Variants in FGF14 observed in about 807,000 individuals in gnomAD.
FGF14 encodes the protein fibroblast growth factor 14, also known as fibroblast growth factor homologous factor 4.
In FGF14, 5 loss-of-function variants were observed where a neutral mutation model predicts 25.5. The observed-to-expected ratio is 0.20, with a 90% confidence interval of 0.10 to 0.41. The LOEUF (loss-of-function observed/expected upper bound fraction) is 0.41. Ranked by LOEUF, FGF14 falls within the 10% of genes least tolerant of loss-of-function variation. The pLI, the probability that FGF14 is intolerant of heterozygous loss-of-function variation, is 1.00. For synonymous variants in FGF14, 138 were observed against 118.3 expected (o/e 1.17, Z -1.08); for missense variants, 222 against 320.1 (o/e 0.69, Z 2.34).
intron 3 of FGF14, among the ~76,000 whole-genome samples, chr13:101,757,302 T>C (rs2037728700): frequency 6.6e-6 from 1 of 152,212 alleles, no homozygotes; most frequent in Non-Finnish European, 1.5e-5. Context: ...TTTGGGGTTC[T>C]ATTTTCTCAT....
At chr13:102,342,528 C>T (rs2056983138) in intron 1 of FGF14, among the ~76,000 whole-genome samples, 1 of 152,072 alleles carries the variant, frequency 6.6e-6, no homozygotes, top group African/African-American at 2.4e-5. Flanking sequence ...TACTTTTAAG[C>T]CTGCAGCAAT....
chr13:102,212,859 G>A (rs147290973), intron 1 of FGF14, among the ~76,000 whole-genome samples: 23 of 152,138 alleles, frequency 1.5e-4, no homozygotes, highest in Non-Finnish European at 2.8e-4. Flanking sequence ...TGCTCCGTAG[G>A]AGTCTATTGT....
At chr13:101,951,462 T>C (rs1033672900) in intron 1 of FGF14, among the ~76,000 whole-genome samples, 1 of 152,136 alleles carries the variant, frequency 6.6e-6, no homozygotes, top group African/African-American at 2.4e-5. Context: ...AGGAATTTTA[T>C]TAAGAAGCAA....
intron 1 of FGF14, among the ~76,000 whole-genome samples, chr13:102,060,651 A>T (rs1315691128): frequency 1.3e-5 from 2 of 152,208 alleles, no homozygotes; most frequent in African/African-American, 4.8e-5. Flanking sequence ...TACATAAATA[A>T]AAAAGGAGAA....
intron 1 of FGF14, among the ~76,000 whole-genome samples, chr13:102,267,472 C>T (rs1022517783): frequency 1.3e-5 from 2 of 151,902 alleles, no homozygotes; most frequent in African/African-American, 2.4e-5. Flanking sequence ...AGTGTATAGA[C>T]AAAAATAATA....
intron 1 of FGF14, among the ~76,000 whole-genome samples, chr13:102,231,355 T>C (rs2140993371): frequency 6.6e-6 from 1 of 152,328 alleles, no homozygotes; most frequent in East Asian, 1.9e-4. Flanking sequence ...TGGTGTCCTA[T>C]GAATCTGGAA....
chr13:101,967,229 T>A (rs567912365), intron 1 of FGF14, among the ~76,000 whole-genome samples: 1 of 152,178 alleles, frequency 6.6e-6, no homozygotes, highest in African/African-American at 2.4e-5. Flanking sequence ...ACTTCTTCTG[T>A]TGAGTAAGAA....
intron 1 of FGF14, among the ~76,000 whole-genome samples, chr13:101,878,417 A>G (rs1178300876): frequency 6.6e-6 from 1 of 152,148 alleles, no homozygotes; most frequent in African/African-American, 2.4e-5. Context: ...TTTTATGGTA[A>G]TTTTATGGTA....
At chr13:101,959,788 C>T (rs1017210797) in intron 1 of FGF14, among the ~76,000 whole-genome samples, 2 of 152,196 alleles carry the variant, frequency 1.3e-5, no homozygotes, top group African/African-American at 2.4e-5. Flanking sequence ...CTTCTTCACT[C>T]GCTATAGAAG....
chr13:102,228,647 C>G (rs777495312), intron 1 of FGF14, among the ~76,000 whole-genome samples: 5 of 152,068 alleles, frequency 3.3e-5, no homozygotes, highest in Non-Finnish European at 7.4e-5. Context: ...ATTGAAAGTA[C>G]CCCGAGGAGT....
intron 1 of FGF14, among the ~76,000 whole-genome samples, chr13:102,217,400 GA>G (rs2050421279): frequency 6.6e-6 from 1 of 152,030 alleles, no homozygotes; most frequent in Admixed American, 6.6e-5. Flanking sequence ...CTGTTCTAAA[GA>G]AAACAGTAGT....
chr13:102,019,811 A>G (rs760359279), intron 1 of FGF14, among the ~76,000 whole-genome samples: 2 of 152,146 alleles, frequency 1.3e-5, no homozygotes, highest in Non-Finnish European at 2.9e-5. Flanking sequence ...GGAGAGGCAG[A>G]ATTGTCCTTC....
rs1186871205 is a variant in FGF14 at position 101,718,433 on chromosome 13, A to G, written c.*4398T>C. On this transcript the variant is annotated 3_prime_UTR_variant, in exon 5 of 5. Transcript: ENST00000376143. ...CAGGGCAAGAACAAACTTACTTGTA[A>G]TGGGTGAGAGAAAATAAGCAAATCT... 2 of 152,110 alleles carry G rather than the reference A, an allele frequency of 1.3e-5. No homozygotes were observed. The highest frequency in any genetic ancestry group is 4.8e-5 in the African/African-American group (2 of 41,432). The allele number at this position is 152,110 out of a possible 1,614,324, so 9.4% of individuals were successfully genotyped here.
intron 1 of FGF14, among the ~76,000 whole-genome samples, chr13:101,948,644 C>T (rs1272214216): frequency 6.6e-6 from 1 of 151,840 alleles, no homozygotes; most frequent in Non-Finnish European, 1.5e-5. Flanking sequence ...ATACATAATG[C>T]TTCCCAATAC....
intron 3 of FGF14, among the ~76,000 whole-genome samples, chr13:101,847,125 T>C (rs1281225371): frequency 6.6e-6 from 1 of 151,898 alleles, no homozygotes; most frequent in Non-Finnish European, 1.5e-5. Context: ...CAAAAGAAAA[T>C]GACCTCCCTA....
chr13:102,285,042 A>G (rs1366960898), intron 1 of FGF14, among the ~76,000 whole-genome samples: 1 of 152,162 alleles, frequency 6.6e-6, no homozygotes. Context: ...AGTACAGAAA[A>G]AAGAATGAAC....
intron 1 of FGF14, among the ~76,000 whole-genome samples, chr13:102,088,608 T>C (rs750861947): frequency 6.6e-6 from 1 of 152,104 alleles, no homozygotes; most frequent in Non-Finnish European, 1.5e-5. Context: ...TCAAAGTCAA[T>C]CCATAAGGTA....
At chr13:102,290,866 T>C (rs977574674) in intron 1 of FGF14, among the ~76,000 whole-genome samples, 1 of 152,170 alleles carries the variant, frequency 6.6e-6, no homozygotes, top group Non-Finnish European at 1.5e-5. Context: ...CTACCATGCC[T>C]ACAAAATGAC....
In FGF14 at chr13:102,242,874, A is replaced by G. The variant is rs536180049; in HGVS notation, c.208+158597T>C. The stretch of plus-strand genomic sequence containing the variant: ...TGTGCAACAGACAAGCTTTCCCTCA[A>G]AATCAGTTCTCTACTCTTGCCCTAG... On this transcript the variant is annotated intron_variant, in intron 1 of 4. Transcript: ENST00000376131. Among the ~76,000 whole-genome samples, 3 of 152,154 alleles carry G rather than the reference A, an allele frequency of 2.0e-5. No homozygotes were observed. In the South Asian group the frequency reaches 6.2e-4, roughly 32 times the overall value.
Sources: gnomAD v4.1 joint callset for allele counts (sites outside exome capture counted in the v4.1 genomes callset) on GRCh38, gnomAD v4.1.1 for gene constraint, MANE v1.5 for transcripts, NCBI Gene and HGNC (gene_info 2026-07-23, HGNC 2026-07-21) for gene names.